DFFA: variants seen among roughly 807,000 people sequenced by gnomAD.
DFFA encodes DFF45.
In DFFA, 14 loss-of-function variants were observed where a neutral mutation model predicts 28.0. That is an observed-to-expected ratio of 0.50 (90% confidence interval 0.33 to 0.78). The LOEUF (loss-of-function observed/expected upper bound fraction) is 0.78, where lower values mean the gene tolerates loss of function less well. Among genes scored for constraint, DFFA ranks in the 30% least tolerant of loss-of-function variants. The pLI is 0.02. For missense variants in DFFA, 395 were observed against 407.1 expected, an observed-to-expected ratio of 0.97 and a Z score of 0.26; for synonymous variants, 158 against 170.3, an observed-to-expected ratio of 0.93 and a Z score of 0.56.
chr1:10,467,377 C>T, intron 2 of DFFA, 45 bp from the exon 3 acceptor site: 1 of 1,608,418 alleles, frequency 6.2e-7, no homozygotes, highest in Non-Finnish European at 8.5e-7. Flanking sequence ...ACCTGAAGTG[C>T]TGTTTTCACC....
intron 5 of DFFA, chr1:10,461,941 G>A (rs1223856665): frequency 8.5e-6 from 7 of 824,386 alleles, no homozygotes; most frequent in Admixed American, 6.2e-5. Flanking sequence ...TGCAAGCTCC[G>A]CCTCCCGGAT....
chr1:10,469,157 AC>A lies in DFFA; in HGVS notation c.298+19del, dbSNP rs750105966. On this transcript the variant is annotated intron_variant, in intron 2 of 5. Coordinates refer to ENST00000377038, the MANE Select transcript of DFFA (RefSeq NM_004401.3). ...TGCTGTACTGCATAGGCCGTTTTATACATGGCTAGAGTTTCTTACCTGAATT... is the reference window on the plus strand; with the variant it reads ...TGCTGTACTGCATAGGCCGTTTTATAATGGCTAGAGTTTCTTACCTGAATT... 5.0e-6 allele frequency: 8 copies of A among 1,613,226 alleles called. No homozygotes were observed. In the East Asian group the frequency reaches 1.8e-4, roughly 36 times the overall value.
intron 3 of DFFA, among the ~76,000 whole-genome samples, chr1:10,465,534 G>C (rs1641008831): frequency 6.6e-6 from 1 of 152,030 alleles, no homozygotes; most frequent in Non-Finnish European, 1.5e-5. Flanking sequence ...AAAGTGCTGG[G>C]ATTACAGGCG....
chr1:10,464,105 T>G (rs939138622), intron 3 of DFFA, among the ~76,000 whole-genome samples: 27 of 151,706 alleles, frequency 1.8e-4, no homozygotes, highest in Non-Finnish European at 7.4e-5. Context: ...AATTTTTTTT[T>G]TTTTTGAGAC....
rs1478916878 is a variant in DFFA at position 10,461,528 on chromosome 1, G to C, written c.958C>G (p.Leu320Val). The change falls in exon 6 of 6, where the codon CTG (leucine) becomes GTG (valine). Residue 320 changes from leucine (L) to valine (V), a missense_variant. Transcript: ENST00000377038. The part of the protein sequence containing the change: ...SASKASPPGD[L>V]QNPKRARQDP... Reference sequence around the variant, plus strand: ...TGTCTGGCTCGCTTAGGATTCTGCAGGTCACCAGGTGGTGAGGCCTTGCTT... The same window carrying C: ...TGTCTGGCTCGCTTAGGATTCTGCACGTCACCAGGTGGTGAGGCCTTGCTT... 5 of 1,613,942 alleles carry C rather than the reference G, an allele frequency of 3.1e-6. No homozygotes were observed. The highest frequency in any genetic ancestry group is 4.5e-5 in the East Asian group (2 of 44,894).
Position 10,457,079 on chromosome 1 carries a change from T to C in DFFA, c.*4411A>G, listed in dbSNP as rs978263415. The C allele has an allele frequency of 5.3e-5, 8 of 152,268 alleles. No homozygotes were observed. The highest frequency in any genetic ancestry group is 1.3e-4 in the Admixed American group (2 of 15,272). 9.4% of individuals were successfully genotyped at this position (152,268 alleles called of 1,614,324 possible). A position where few individuals can be genotyped will look rare whatever the true frequency, so the allele number is the denominator to read the frequency against. On this transcript the variant is annotated 3_prime_UTR_variant, in exon 6 of 6. Transcript: ENST00000377038. Reference sequence around the variant, plus strand: ...AACGAAAGAGAACCACTCTCCACTGTCTACTATATGTTAGGTACTAGGATT... The same window carrying C: ...AACGAAAGAGAACCACTCTCCACTGCCTACTATATGTTAGGTACTAGGATT...
Position 10,461,313 on chromosome 1 carries a change from T to C in DFFA, c.*177A>G, listed in dbSNP as rs1274940265. The C allele has an allele frequency of 8.0e-6, 8 of 1,005,346 alleles. No individual in the cohort carries two copies. The South Asian group carries it at 1.2e-4, about 16-fold the overall frequency. The allele number at this position is 1,005,346 out of a possible 1,614,324, so 62.3% of individuals were successfully genotyped here. A position where few individuals can be genotyped will look rare whatever the true frequency, so the allele number is the denominator to read the frequency against. ...TCAAAATTGGCAGAAGTCCTGAAGC[T>C]GGTGGGGCTAAAAAAAAAATTGGTG... On this transcript the variant is annotated 3_prime_UTR_variant, in exon 6 of 6. Coordinates refer to ENST00000377038, the MANE Select transcript of DFFA (RefSeq NM_004401.3).
In DFFA at chr1:10,456,935, T is replaced by G. The variant is rs1640869727; in HGVS notation, c.*4555A>C. On this transcript the variant is annotated 3_prime_UTR_variant, in exon 6 of 6. Transcript: ENST00000377038. ...TCTACAAGGCTGGAGGCACAGTGGT[T>G]ATAGGGAAGGTAAATGGTAATGGGA... 1.3e-5 allele frequency: 2 copies of G among 152,170 alleles called. No individual in the cohort carries two copies. Among genetic ancestry groups the G allele is most frequent in the South Asian group, 4.1e-4 (2 of 4,820 alleles). 9.4% of individuals were successfully genotyped at this position (152,170 alleles called of 1,614,324 possible).
intron 3 of DFFA, among the ~76,000 whole-genome samples, chr1:10,465,482 T>G (rs1641008120): frequency 6.6e-6 from 1 of 151,806 alleles, no homozygotes; most frequent in African/African-American, 2.4e-5. Flanking sequence ...GCCAAGCTGG[T>G]CTTGAACTCT....
chr1:10,462,439 G>A, intron 5 of DFFA: 1 of 987,800 alleles, frequency 1.0e-6, no homozygotes, highest in Non-Finnish European at 1.2e-6. Flanking sequence ...GGACAAGCAT[G>A]GGCCTTTTCT....
intron 3 of DFFA, among the ~76,000 whole-genome samples, chr1:10,464,549 T>A (rs1368848132): frequency 6.6e-6 from 1 of 151,948 alleles, no homozygotes; most frequent in African/African-American, 2.4e-5. Flanking sequence ...ACCCTGTCTT[T>A]ACCAAAAATA....
At position 10,461,566 on chromosome 1, in the gene DFFA, C is replaced by A. The variant is rs770887537; in HGVS notation, c.920G>T (p.Arg307Leu). 6.2e-7 allele frequency: 1 copy of A among 1,614,180 alleles called. No homozygotes were observed. Among genetic ancestry groups the A allele is most frequent in the African/African-American group, 1.3e-5 (1 of 75,046 alleles). ...TGAGGCCTTGCTTGCTGAGATGCTC[C>A]GGAGAGAATGCAAGCTCTGCGTCTG... ...LQQTQSLHSL[R>L]SISASKASPP... is the part of the protein sequence containing the mutation. Residue 307 changes from arginine to leucine, a missense_variant, in exon 6 of 6, where the codon CGG (arginine) becomes CTG (leucine). Coordinates refer to ENST00000377038, the MANE Select transcript of DFFA (RefSeq NM_004401.3).
intron 1 of DFFA, among the ~76,000 whole-genome samples, chr1:10,471,930 A>G (rs1187236888): frequency 6.6e-6 from 1 of 152,230 alleles, no homozygotes; most frequent in East Asian, 1.9e-4. Flanking sequence ...GGTTCCTGCC[A>G]GAGCGGACGG....
At chr1:10,465,402 A>AT (rs34389737) in intron 3 of DFFA, among the ~76,000 whole-genome samples, 25,588 of 152,044 alleles carry the variant, frequency 0.17, 2,570 homozygotes, top group Non-Finnish European at 0.23. Flanking sequence ...AGTAGCTGGG[A>AT]TTACAGGTGC....
At chr1:10,463,650 C>G in intron 3 of DFFA, 30 bp from the exon 4 acceptor site, 2 of 1,572,242 alleles carry the variant, frequency 1.3e-6, no homozygotes, top group Non-Finnish European at 1.7e-6. Flanking sequence ...GCTTAGAAAT[C>G]TACAGGGACT....
chr1:10,468,689 T>C (rs1353125679), intron 2 of DFFA, among the ~76,000 whole-genome samples: 1 of 151,748 alleles, frequency 6.6e-6, no homozygotes, highest in African/African-American at 2.4e-5. Context: ...TGCATTTCAG[T>C]TGCTGTCTGT....
chr1:10,463,313 C>A, intron 4 of DFFA, 104 bp from the exon 5 acceptor site: 1 of 1,551,668 alleles, frequency 6.4e-7, no homozygotes, highest in Admixed American at 1.8e-5. Context: ...CGTGCCCGTC[C>A]CGCATCCCAG....
chr1:10,463,003 C>G, intron 5 of DFFA, 55 bp downstream of exon 5: 1 of 1,609,730 alleles, frequency 6.2e-7, no homozygotes, highest in East Asian at 2.2e-5. Flanking sequence ...CATGATACTA[C>G]TACATCCCAG....
chr1:10,466,976 A>T (rs1641031891), intron 3 of DFFA, among the ~76,000 whole-genome samples: 1 of 151,556 alleles, frequency 6.6e-6, no homozygotes, highest in Non-Finnish European at 1.5e-5. Flanking sequence ...AAAAAAAAAA[A>T]AAATCCACAG....
Sources: allele counts gnomAD v4.1 joint callset (sites outside exome capture counted in the v4.1 genomes callset), GRCh38; gene constraint gnomAD v4.1.1; transcripts MANE v1.5; gene names NCBI Gene and HGNC (gene_info 2026-07-23, HGNC 2026-07-21).